Variants in FHIT observed in about 807,000 individuals in gnomAD.
FHIT encodes bis(5'-adenosyl)-triphosphatase.
A neutral mutation model predicts 17.9 loss-of-function variants in FHIT; 19 were observed. The observed-to-expected ratio is 1.06, with a 90% CI of 0.74 to 1.56. The LOEUF is 1.56. FHIT is among the 40% of genes most tolerant of loss of function. The pLI is 0.00. For synonymous variants in FHIT, 81 were observed against 69.7 expected (o/e 1.16, Z -0.81); for missense variants, 248 against 189.2 (o/e 1.31, Z -1.82).
intron 8 of FHIT, among the ~76,000 whole-genome samples, chr3:59,855,499 C>G (rs370627464): frequency 2.0e-5 from 3 of 152,052 alleles, no homozygotes; most frequent in East Asian, 3.8e-4. Flanking sequence ...ACTTATTTTC[C>G]CCCACTTGAT....
At chr3:60,501,663 A>G (rs903986733) in intron 5 of FHIT, among the ~76,000 whole-genome samples, 3 of 152,202 alleles carry the variant, frequency 2.0e-5, no homozygotes, top group South Asian at 2.1e-4. Flanking sequence ...CCATTTTAAC[A>G]AACACCCTAG....
intron 5 of FHIT, among the ~76,000 whole-genome samples, chr3:60,242,924 C>A (rs1166202360): frequency 6.6e-6 from 1 of 151,918 alleles, no homozygotes; most frequent in Non-Finnish European, 1.5e-5. Context: ...ATTAACACAC[C>A]AGGAGAAGTA....
intron 8 of FHIT, among the ~76,000 whole-genome samples, chr3:59,768,419 C>T (rs866796033): frequency 1.2e-4 from 19 of 152,294 alleles, no homozygotes; most frequent in Middle Eastern, 3.4e-3. Context: ...TCACTACCAG[C>T]CCTTTGCACA....
At chr3:60,902,504 C>A (rs1380665417) in intron 3 of FHIT, among the ~76,000 whole-genome samples, 1 of 152,140 alleles carries the variant, frequency 6.6e-6, no homozygotes, top group African/African-American at 2.4e-5. Context: ...CAGGCCTGAT[C>A]AAATAACATA....
chr3:60,535,301 A>C (rs1277214702), intron 5 of FHIT, among the ~76,000 whole-genome samples: 1 of 152,162 alleles, frequency 6.6e-6, no homozygotes, highest in East Asian at 1.9e-4. Flanking sequence ...AATTTAGACA[A>C]ATGGATCTTG....
intron 8 of FHIT, among the ~76,000 whole-genome samples, chr3:59,896,293 T>G (rs1704067736): frequency 1.3e-5 from 2 of 152,134 alleles, no homozygotes; most frequent in Admixed American, 6.5e-5. Flanking sequence ...AATAAATCGA[T>G]GAAATAAACA....
intron 4 of FHIT, among the ~76,000 whole-genome samples, chr3:60,809,730 A>G (rs1404565751): frequency 1.3e-5 from 2 of 152,266 alleles, no homozygotes; most frequent in Non-Finnish European, 2.9e-5. Context: ...CTGAAACCTT[A>G]AAGGTTGTAT....
chr3:60,775,938 A>G (rs1165360582), intron 4 of FHIT, among the ~76,000 whole-genome samples: 4 of 152,210 alleles, frequency 2.6e-5, no homozygotes, highest in African/African-American at 9.7e-5. Flanking sequence ...TGGAGGAACC[A>G]CTTGCAAAGA....
chr3:60,182,887 A>T (rs1702000228), intron 5 of FHIT, among the ~76,000 whole-genome samples: 1 of 151,910 alleles, frequency 6.6e-6, no homozygotes, highest in Non-Finnish European at 1.5e-5. Context: ...AAAGCAGAAA[A>T]ACAAAGTCAA....
intron 5 of FHIT, among the ~76,000 whole-genome samples, chr3:60,511,970 A>G (rs948213365): frequency 2.6e-5 from 4 of 152,166 alleles, no homozygotes; most frequent in Non-Finnish European, 5.9e-5. Flanking sequence ...AAACAGCAAC[A>G]GACAAAAAGG....
At chr3:60,057,751 T>G (rs553966603) in intron 5 of FHIT, among the ~76,000 whole-genome samples, 1 of 151,954 alleles carries the variant, frequency 6.6e-6, no homozygotes, top group South Asian at 2.1e-4. Flanking sequence ...ATTTTGACAA[T>G]GAGATGCTGG....
chr3:60,092,249 A>G (rs888253787), intron 5 of FHIT, among the ~76,000 whole-genome samples: 1 of 152,176 alleles, frequency 6.6e-6, no homozygotes, highest in African/African-American at 2.4e-5. Flanking sequence ...ACTGGTTTAT[A>G]TTGATTTGGT....
intron 5 of FHIT, among the ~76,000 whole-genome samples, chr3:60,042,502 A>T (rs1048839647): frequency 2.6e-5 from 4 of 151,550 alleles, no homozygotes; most frequent in African/African-American, 7.3e-5. Flanking sequence ...GTGTTCCAGG[A>T]CTCTCTCCTT....
At chr3:60,260,209 G>A (rs774630579) in intron 5 of FHIT, among the ~76,000 whole-genome samples, 12 of 151,940 alleles carry the variant, frequency 7.9e-5, no homozygotes, top group Non-Finnish European at 1.8e-4. Context: ...GGCCGTAGAG[G>A]GTGTAGGAGG....
At chr3:60,391,465 C>T (rs1041326703) in intron 5 of FHIT, among the ~76,000 whole-genome samples, 1 of 152,098 alleles carries the variant, frequency 6.6e-6, no homozygotes, top group African/African-American at 2.4e-5. Context: ...AATATCTTAG[C>T]CCTTCACATG....
intron 4 of FHIT, among the ~76,000 whole-genome samples, chr3:60,816,102 C>G (rs1553737605): frequency 1.3e-5 from 2 of 152,030 alleles, no homozygotes; most frequent in Admixed American, 1.3e-4. Flanking sequence ...TGACCTGAAA[C>G]TTTACTGAAG....
At chr3:60,908,141 G>T (rs1316324619) in intron 3 of FHIT, among the ~76,000 whole-genome samples, 4 of 152,124 alleles carry the variant, frequency 2.6e-5, no homozygotes, top group Non-Finnish European at 5.9e-5. Context: ...GGGTTCAATT[G>T]GTTCCAATTA....
chr3:61,050,222 T>G lies in FHIT; in HGVS notation c.-163-8123A>C, dbSNP rs534705429. Reference sequence around the variant, plus strand: ...AACTAGGATGGGAATAAAAGGTATTTCTTTTCCCATACAGAGAAATAAATT... The same window carrying G: ...AACTAGGATGGGAATAAAAGGTATTGCTTTTCCCATACAGAGAAATAAATT... On this transcript the variant is annotated intron_variant, in intron 2 of 9. Coordinates refer to ENST00000492590, the MANE Select transcript of FHIT (RefSeq NM_002012.4). 1.0e-3 allele frequency among the ~76,000 whole-genome samples: 152 copies of G among 152,300 alleles called. 1 individual carries two copies. Among genetic ancestry groups the G allele is most frequent in the Non-Finnish European group, 2.0e-3 (133 of 68,030 alleles).
At chr3:59,816,458 T>C (rs1700603400) in intron 8 of FHIT, among the ~76,000 whole-genome samples, 1 of 152,180 alleles carries the variant, frequency 6.6e-6, no homozygotes, top group African/African-American at 2.4e-5. Context: ...AGAAGGAACA[T>C]TCCATGTGAT....
Sources: gnomAD v4.1 joint callset for allele counts (sites outside exome capture counted in the v4.1 genomes callset) on GRCh38, gnomAD v4.1.1 for gene constraint, MANE v1.5 for transcripts, NCBI Gene and HGNC (gene_info 2026-07-23, HGNC 2026-07-21) for gene names.